Variants in REXO5 observed in about 807,000 individuals in gnomAD.
REXO5 encodes RNA exonuclease 5.
In REXO5, 48 loss-of-function variants were observed where a neutral mutation model predicts 88.5. The ratio of observed to expected loss-of-function variants is 0.54; its 90% confidence interval spans 0.43 to 0.69. The LOEUF is 0.69. Ranked by LOEUF, REXO5 falls within the 30% of genes least tolerant of loss-of-function variation. REXO5 has a pLI of 0.00. For synonymous variants in REXO5, 311 were observed against 336.5 expected (o/e 0.92, Z 0.83); for missense variants, 749 against 912.2 (o/e 0.82, Z 2.30).
At position 20,813,316 on chromosome 16, in the gene REXO5, T is replaced by G; in HGVS notation, c.251+14T>G. ...TCCAAAACCCAGGTATGAGATGAAT[T>G]TAAATGGTGGGTATTGACCAGCGGT... On this transcript the variant is annotated intron_variant, in intron 3 of 19. Coordinates refer to ENST00000261377, the MANE Select transcript of REXO5 (RefSeq NM_030941.3). The G allele has an allele frequency of 2.0e-6, 3 of 1,476,166 alleles. No individual in the cohort carries two copies. The highest frequency in any genetic ancestry group is 1.1e-5 in the South Asian group (1 of 87,830). 91.4% of individuals were successfully genotyped at this position (1,476,166 alleles called of 1,614,324 possible). A position where few individuals can be genotyped will look rare whatever the true frequency, so the allele number is the denominator to read the frequency against.
At position 20,827,447 on chromosome 16, in the gene REXO5, G is replaced by A; in HGVS notation, c.1055G>A (p.Gly352Glu). 6.2e-7 allele frequency: 1 copy of A among 1,610,428 alleles called. No individual in the cohort carries two copies. Among genetic ancestry groups the A allele is most frequent in the Non-Finnish European group, 8.5e-7 (1 of 1,177,386 alleles). ...AAGTTCTTAGCCAAAGTTATTTTGGGGTAGGTTTGCTTATATGCTGTAATA... is the reference window on the plus strand; with the variant it reads ...AAGTTCTTAGCCAAAGTTATTTTGGAGTAGGTTTGCTTATATGCTGTAATA... ...KLKFLAKVILGKDIQCPDRLG... is the reference protein window; with the variant it reads ...KLKFLAKVILEKDIQCPDRLG... The change falls in exon 10 of 20, where the codon GGG (glycine) becomes GAG (glutamate). Residue 352 changes from glycine (G) to glutamate (E), a missense_variant and splice_region_variant. Gly to Glu is a moderately conservative substitution (Grantham distance 98, BLOSUM62 -2). Transcript: ENST00000261377.
chr16:20,810,278 AGT>A (rs1276458602), intron 2 of REXO5, among the ~76,000 whole-genome samples: 1 of 152,222 alleles, frequency 6.6e-6, no homozygotes, highest in Non-Finnish European at 1.5e-5. Flanking sequence ...GTAAGTTGAA[AGT>A]GTATACACAC....
chr16:20,827,664 G>A (rs902900354), intron 10 of REXO5, among the ~76,000 whole-genome samples: 1 of 152,128 alleles, frequency 6.6e-6, no homozygotes, highest in African/African-American at 2.4e-5. Flanking sequence ...AACCATGAAG[G>A]CAGAAGAGGT....
At chr16:20,806,472 C>T, upstream of REXO5, 2 of 1,550,270 alleles carry the variant, frequency 1.3e-6, no homozygotes, top group Non-Finnish European at 1.7e-6. Flanking sequence ...TGCCGGAAGT[C>T]GCTCGACTTC....
At chr16:20,833,395 G>C (rs775207952) in intron 13 of REXO5, among the ~76,000 whole-genome samples, 2 of 152,244 alleles carry the variant, frequency 1.3e-5, no homozygotes, top group Middle Eastern at 6.8e-3. Context: ...TCATGGAAAC[G>C]TTTATCTTGG....
intron 2 of REXO5, among the ~76,000 whole-genome samples, chr16:20,810,875 A>G (rs1278118637): frequency 1.3e-5 from 2 of 152,038 alleles, no homozygotes; most frequent in Non-Finnish European, 2.9e-5. Context: ...TTCCTTTGTG[A>G]GCACCCTCAT....
At chr16:20,820,829 G>A (rs2081173062) in intron 5 of REXO5, among the ~76,000 whole-genome samples, 3 of 151,478 alleles carry the variant, frequency 2.0e-5, no homozygotes. Flanking sequence ...CTCCCAAAGT[G>A]CTGGAATTAC....
At chr16:20,844,127 C>G in intron 16 of REXO5, 101 bp downstream of exon 16, 1 of 693,304 alleles carries the variant, frequency 1.4e-6, no homozygotes, top group Non-Finnish European at 2.5e-6. Flanking sequence ...AAGAGGCCCA[C>G]GCACAAGACT....
intron 2 of REXO5, among the ~76,000 whole-genome samples, chr16:20,808,438 C>T (rs1210240878): frequency 1.3e-5 from 2 of 152,172 alleles, no homozygotes; most frequent in Non-Finnish European, 2.9e-5. Context: ...GCATGAGCCA[C>T]TGCACCCAGC....
intron 2 of REXO5, 191 bp downstream of exon 2, chr16:20,807,282 C>A: frequency 1.5e-6 from 1 of 684,118 alleles, no homozygotes; most frequent in Non-Finnish European, 2.4e-6. Context: ...TTGGCTGTCA[C>A]TGGGATAGTG....
At chr16:20,832,766 C>T (rs559821497) in intron 12 of REXO5, among the ~76,000 whole-genome samples, 2 of 152,244 alleles carry the variant, frequency 1.3e-5, no homozygotes, top group East Asian at 3.9e-4. Flanking sequence ...GCAACACTGT[C>T]CAAAACAATT....
chr16:20,810,122 G>A (rs1488133097), intron 2 of REXO5, among the ~76,000 whole-genome samples: 2 of 152,096 alleles, frequency 1.3e-5, no homozygotes, highest in Non-Finnish European at 2.9e-5. Flanking sequence ...CCCCAAGCCT[G>A]GAATCAGTCA....
chr16:20,831,090 A>C (rs1175949408), intron 11 of REXO5, among the ~76,000 whole-genome samples: 1 of 144,742 alleles, frequency 6.9e-6, no homozygotes, highest in Non-Finnish European at 1.5e-5. Flanking sequence ...CAGCCTCCTG[A>C]GTAGCTGGAA....
intron 13 of REXO5, among the ~76,000 whole-genome samples, chr16:20,834,559 C>T (rs1237757489): frequency 6.6e-6 from 1 of 152,064 alleles, no homozygotes; most frequent in East Asian, 1.9e-4. Flanking sequence ...TCTTTCACCA[C>T]CCTCCCCTCC....
At position 20,845,242 on chromosome 16, in the gene REXO5, G is replaced by T; in HGVS notation, c.2124+1G>T. On this transcript the variant is annotated splice_donor_variant, in intron 18 of 19. Coordinates refer to ENST00000261377, the MANE Select transcript of REXO5 (RefSeq NM_030941.3). LOFTEE classifies it high-confidence loss of function. ...CCCCTTTGAACAGGAGGCCTTGCAG[G>T]TGAGTGAGTGAAGGCGTCTTGGAGA... 22 of 1,611,440 alleles carry T rather than the reference G, an allele frequency of 1.4e-5. No homozygotes were observed. Among genetic ancestry groups the T allele is most frequent in the Non-Finnish European group, 1.8e-5 (21 of 1,178,898 alleles).
At chr16:20,820,054 C>G (rs942010852) in intron 5 of REXO5, among the ~76,000 whole-genome samples, 1 of 152,180 alleles carries the variant, frequency 6.6e-6, no homozygotes, top group Non-Finnish European at 1.5e-5. Context: ...CACCCAGCCT[C>G]TACTCCATTT....
chr16:20,832,485 T>C (rs907992992), intron 12 of REXO5, among the ~76,000 whole-genome samples: 18 of 146,516 alleles, frequency 1.2e-4, no homozygotes, highest in African/African-American at 4.5e-4. Flanking sequence ...TAAAATGATA[T>C]CCTTGATCAA....
At chr16:20,829,977 T>A (rs1268299155) in intron 11 of REXO5, among the ~76,000 whole-genome samples, 1 of 152,254 alleles carries the variant, frequency 6.6e-6, no homozygotes, top group Admixed American at 6.5e-5. Context: ...ATAGACATTA[T>A]GTCAACACTG....
At chr16:20,823,079 A>C (rs2081209582) in intron 6 of REXO5, among the ~76,000 whole-genome samples, 1 of 152,098 alleles carries the variant, frequency 6.6e-6, no homozygotes, top group Non-Finnish European at 1.5e-5. Flanking sequence ...TATCCATCCT[A>C]GTGGGTATGA....
Sources: gnomAD v4.1 joint callset for allele counts (sites outside exome capture counted in the v4.1 genomes callset) on GRCh38, gnomAD v4.1.1 for gene constraint, MANE v1.5 for transcripts, NCBI Gene and HGNC (gene_info 2026-07-23, HGNC 2026-07-21) for gene names.